CD8A: variants seen among roughly 807,000 people sequenced by gnomAD.
CD8A encodes the protein CD8 subunit alpha.
In CD8A, 25 loss-of-function variants were observed where a neutral mutation model predicts 24.2. The observed-to-expected ratio is 1.03, with a 90% CI of 0.75 to 1.44. The LOEUF is 1.44. Among genes scored for constraint, CD8A ranks in the 40% most tolerant of loss-of-function variants. CD8A has a pLI of 0.00. For missense variants in CD8A, 360 were observed against 319.7 expected (o/e 1.13, Z -0.96); for synonymous variants, 165 against 149.9 (o/e 1.10, Z -0.74).
intron 2 of CD8A, among the ~76,000 whole-genome samples, chr2:86,806,901 T>A (rs1003513252): frequency 1.3e-5 from 2 of 152,158 alleles, no homozygotes; most frequent in Non-Finnish European, 2.9e-5. Flanking sequence ...ACTACTTTTT[T>A]AAAGTTTCTA....
At chr2:86,787,655 G>A (rs1404821827) in intron 5 of CD8A, among the ~76,000 whole-genome samples, 2 of 152,110 alleles carry the variant, frequency 1.3e-5, no homozygotes, top group African/African-American at 2.4e-5. Context: ...AGCAAGTAAC[G>A]TGCGTTGTAG....
chr2:86,798,628 T>C (rs139943823), intron 3 of CD8A, among the ~76,000 whole-genome samples: 10,981 of 152,130 alleles, frequency 0.072, 1,207 homozygotes, highest in African/African-American at 0.24. Context: ...GTTCAAGCAA[T>C]TCTCCTGTCT....
intron 3 of CD8A, among the ~76,000 whole-genome samples, chr2:86,799,973 T>C (rs1049706515): frequency 5.3e-5 from 8 of 151,432 alleles, no homozygotes; most frequent in African/African-American, 1.9e-4. Flanking sequence ...TAAGTCTGAG[T>C]TGTTAATTGG....
chr2:86,786,892 T>C (rs930524254), intron 5 of CD8A, among the ~76,000 whole-genome samples: 201 of 147,952 alleles, frequency 1.4e-3, no homozygotes, highest in African/African-American at 2.8e-3. Context: ...TTGTGGCGGG[T>C]GCCTGTAGTC....
At chr2:86,807,513 G>C (rs1297247702) in exon 2 of CD8A, 1 of 152,544 alleles carries the variant, frequency 6.6e-6, no homozygotes, top group East Asian at 1.9e-4. Context: ...TGAAGCTGGC[G>C]TATGGGTGGG....
chr2:86,801,082 G>T (rs554900853), intron 3 of CD8A, among the ~76,000 whole-genome samples: 1 of 152,212 alleles, frequency 6.6e-6, no homozygotes, highest in Non-Finnish European at 1.5e-5. Context: ...TCCTTCTGTA[G>T]CCCTCAGAAG....
At chr2:86,788,133 T>A (rs562838826) in intron 5 of CD8A, among the ~76,000 whole-genome samples, 4 of 151,562 alleles carry the variant, frequency 2.6e-5, no homozygotes, top group African/African-American at 9.7e-5. Flanking sequence ...ACCAGCCAAG[T>A]AGGAAAAAAA....
chr2:86,805,473 C>T (rs62146078), intron 2 of CD8A, among the ~76,000 whole-genome samples: 2,828 of 152,274 alleles, frequency 0.019, 45 homozygotes, highest in Non-Finnish European at 0.028. Context: ...CATTTACCCA[C>T]GAGCTTTGTT....
At chr2:86,788,790 G>A (rs1348929619) in intron 4 of CD8A, among the ~76,000 whole-genome samples, 2 of 152,064 alleles carry the variant, frequency 1.3e-5, no homozygotes, top group Non-Finnish European at 2.9e-5. Flanking sequence ...TTGAGAGCCG[G>A]GTAAGGGCTT....
intron 3 of CD8A, among the ~76,000 whole-genome samples, chr2:86,797,329 A>C (rs1477215089): frequency 6.6e-6 from 1 of 152,190 alleles, no homozygotes; most frequent in African/African-American, 2.4e-5. Context: ...GCTCGTATTG[A>C]AGAGCAGGAA....
upstream of CD8A, among the ~76,000 whole-genome samples, chr2:86,795,444 T>C (rs895878191): frequency 9.2e-5 from 14 of 152,132 alleles, no homozygotes; most frequent in African/African-American, 3.4e-4. Flanking sequence ...CATATAGCAA[T>C]GGTATAGTTA....
upstream of CD8A, chr2:86,790,992 AC>A: frequency 1.3e-6 from 1 of 770,444 alleles, no homozygotes; most frequent in Non-Finnish European, 2.2e-6. Flanking sequence ...GAGGAGAGTC[AC>A]CCTCCTTTTC....
intron 3 of CD8A, among the ~76,000 whole-genome samples, chr2:86,798,333 G>A (rs1209440615): frequency 2.0e-5 from 3 of 151,836 alleles, no homozygotes; most frequent in South Asian, 4.1e-4. Context: ...GCACCACCAC[G>A]TCCGGCTAAT....
At chr2:86,799,168 A>T (rs1028581182) in intron 3 of CD8A, among the ~76,000 whole-genome samples, 19 of 151,944 alleles carry the variant, frequency 1.3e-4, no homozygotes, top group African/African-American at 1.9e-4. Context: ...CAGATTCTCA[A>T]CTCCCATTGG....
At chr2:86,787,127 G>A (rs1673052402) in intron 5 of CD8A, among the ~76,000 whole-genome samples, 1 of 116,316 alleles carries the variant, frequency 8.6e-6, no homozygotes, top group African/African-American at 3.3e-5. Context: ...CTGTTACCCA[G>A]GCTGGAGTGC....
In CD8A at chr2:86,784,735, A is replaced by G. The variant is rs1291689373; in HGVS notation, c.*1185T>C. On this transcript the variant is annotated 3_prime_UTR_variant, in exon 6 of 6. Transcript: ENST00000283635. Reference sequence around the variant, plus strand: ...CATGTATGTGTAGAAAATAATCAGGAAGAATGTACACCATATTAACAGGAG... The same window carrying G: ...CATGTATGTGTAGAAAATAATCAGGGAGAATGTACACCATATTAACAGGAG... 2.2e-6 allele frequency: 1 copy of G among 453,882 alleles called. No individual in the cohort carries two copies. Among genetic ancestry groups the G allele is most frequent in the Non-Finnish European group, 4.4e-6 (1 of 226,612 alleles). 28.1% of individuals were successfully genotyped at this position (453,882 alleles called of 1,614,324 possible). A position where few individuals can be genotyped will look rare whatever the true frequency, so the allele number is the denominator to read the frequency against.
chr2:86,796,087 T>A (rs1037162896), intron 3 of CD8A, among the ~76,000 whole-genome samples: 9 of 152,246 alleles, frequency 5.9e-5, no homozygotes, highest in Non-Finnish European at 1.2e-4. Context: ...ACACTCTACA[T>A]ATTAAACAAG....
rs1225817369 is a variant in CD8A, at chr2:86,808,350, G to A, written c.-985C>T. ...GGAGGGATCTAGAATTCGTAGGGGA[G>A]AAGAGAACTCAGAAAAGATCCGGCC... On this transcript the variant is annotated 5_prime_UTR_variant, in exon 1 of 9. Transcript: ENST00000409511. The A allele has an allele frequency of 2.0e-5, 3 of 152,408 alleles. No homozygotes were observed. In the East Asian group the frequency reaches 5.8e-4, roughly 29 times the overall value. The allele number at this position is 152,408 out of a possible 1,614,324, so 9.4% of individuals were successfully genotyped here.
At chr2:86,795,919 A>G (rs992736155) in intron 3 of CD8A, among the ~76,000 whole-genome samples, 9 of 152,244 alleles carry the variant, frequency 5.9e-5, no homozygotes, top group African/African-American at 2.2e-4. Context: ...TATACATAAA[A>G]AAGACTCAAC....
Sources: gnomAD v4.1 joint callset for allele counts (sites outside exome capture counted in the v4.1 genomes callset) on GRCh38, gnomAD v4.1.1 for gene constraint, MANE v1.5 for transcripts, NCBI Gene and HGNC (gene_info 2026-07-23, HGNC 2026-07-21) for gene names.